Variants in AP4S1 observed in about 807,000 individuals in gnomAD.
AP4S1 encodes the protein adaptor related protein complex 4 subunit sigma 1.
AP4S1 carries 23 observed loss-of-function variants against 19.8 expected under a neutral mutation model. The ratio of observed to expected loss-of-function variants is 1.16; its 90% CI spans 0.84 to 1.65. The LOEUF (loss-of-function observed/expected upper bound fraction) is 1.65, where lower values mean the gene tolerates loss of function less well. AP4S1 is among the 40% of genes most tolerant of loss of function. The pLI is 0.00. For missense variants in AP4S1, 166 were observed against 172.8 expected, an observed-to-expected ratio of 0.96 and a Z score of 0.22; for synonymous variants, 46 against 54.1, an observed-to-expected ratio of 0.85 and a Z score of 0.66.
chr14:31,074,013 G>A (rs1196354635), intron 4 of AP4S1, among the ~76,000 whole-genome samples: 1 of 151,828 alleles, frequency 6.6e-6, no homozygotes, highest in Non-Finnish European at 1.5e-5. Flanking sequence ...TATATTTTAT[G>A]TATAATACAG....
In AP4S1 at chr14:31,045,076, AT is replaced by A. The variant is rs1438203562; in HGVS notation, c.-72+19294del. The stretch of plus-strand genomic sequence containing the variant: ...GCCACTACACCCGGCTAATTTTTGT[AT>A]TTTTAGTAGAGACGGGGTTTCACTA... On this transcript the variant is annotated intron_variant, in intron 1 of 5. Coordinates refer to ENST00000542754, the MANE Select transcript of AP4S1 (RefSeq NM_001128126.3). 6.6e-5 allele frequency among the ~76,000 whole-genome samples: 10 copies of A among 151,702 alleles called. No individual in the cohort carries two copies. The East Asian group carries it at 1.8e-3, about 27-fold the overall frequency.
At chr14:31,041,368 T>G (rs1885103611) in intron 1 of AP4S1, among the ~76,000 whole-genome samples, 1 of 152,108 alleles carries the variant, frequency 6.6e-6, no homozygotes. Context: ...CAGGCTGGTC[T>G]CAAACTCCTG....
rs548105467 is a variant in AP4S1, at chr14:31,081,758, A to G, written c.306+1174A>G. 4.0e-5 allele frequency among the ~76,000 whole-genome samples: 6 copies of G among 151,874 alleles called. No homozygotes were observed. The South Asian group carries it at 1.2e-3, about 32-fold the overall frequency. ...TATGTGTGTGTGTGTATGTGTGTGTACGTGCACAAACACACAGGCATTTTT... is the reference window on the plus strand; with the variant it reads ...TATGTGTGTGTGTGTATGTGTGTGTGCGTGCACAAACACACAGGCATTTTT... On this transcript the variant is annotated intron_variant, in intron 5 of 5. Coordinates refer to ENST00000542754, the MANE Select transcript of AP4S1 (RefSeq NM_001128126.3).
intron 5 of AP4S1, among the ~76,000 whole-genome samples, chr14:31,084,045 A>G (rs1469944553): frequency 6.6e-6 from 1 of 152,226 alleles, no homozygotes; most frequent in South Asian, 2.1e-4. Flanking sequence ...CACTGCTTAT[A>G]TCCACTCTGC....
At chr14:31,046,099 T>G (rs1490517298) in intron 1 of AP4S1, among the ~76,000 whole-genome samples, 1 of 151,736 alleles carries the variant, frequency 6.6e-6, no homozygotes, top group Non-Finnish European at 1.5e-5. Flanking sequence ...CCCGAGTAGC[T>G]GGGATTACAT....
chr14:31,036,363 G>A (rs1206630307), intron 1 of AP4S1, among the ~76,000 whole-genome samples: 1 of 152,044 alleles, frequency 6.6e-6, no homozygotes, highest in East Asian at 1.9e-4. Context: ...GATTACAGGT[G>A]TGAGCCACCG....
At chr14:31,073,159 A>T in intron 4 of AP4S1, 186 bp downstream of exon 4, 1 of 606,154 alleles carries the variant, frequency 1.6e-6, no homozygotes, top group Non-Finnish European at 2.9e-6. Flanking sequence ...AAGCCTATAC[A>T]TGCCTGAGAT....
intron 4 of AP4S1, among the ~76,000 whole-genome samples, chr14:31,073,824 G>T (rs551800485): frequency 6.6e-6 from 1 of 151,350 alleles, no homozygotes; most frequent in Non-Finnish European, 1.5e-5. Flanking sequence ...GATTACAGGC[G>T]TGAGCCACCG....
At chr14:31,059,091 A>C (rs1886290564) in intron 1 of AP4S1, among the ~76,000 whole-genome samples, 1 of 152,162 alleles carries the variant, frequency 6.6e-6, no homozygotes, top group Non-Finnish European at 1.5e-5. Context: ...TTGAGTCTCC[A>C]CATTGTTTAT....
At chr14:31,080,783 CT>C (rs889344499) in intron 5 of AP4S1, 199 bp downstream of exon 5, 43 of 721,862 alleles carry the variant, frequency 6.0e-5, no homozygotes, top group Middle Eastern at 2.4e-4. Context: ...CAAGGCGATT[CT>C]TTTTTTTTCT....
intron 1 of AP4S1, among the ~76,000 whole-genome samples, chr14:31,035,564 A>T (rs1300971681): frequency 6.6e-6 from 1 of 151,720 alleles, no homozygotes; most frequent in African/African-American, 2.4e-5. Flanking sequence ...CAATTTTTTA[A>T]AAAAAAGATG....
In AP4S1 at chr14:31,043,840, T is replaced by G. The variant is rs73253706; in HGVS notation, c.-72+18053T>G. On this transcript the variant is annotated intron_variant, in intron 1 of 5. Transcript: ENST00000542754. ...AGCTAAATTATTAATACTTGGAAGCTGATGGAATGAATCAATATGGCATGG... is the reference window on the plus strand; with the variant it reads ...AGCTAAATTATTAATACTTGGAAGCGGATGGAATGAATCAATATGGCATGG... 1.3e-3 allele frequency among the ~76,000 whole-genome samples: 192 copies of G among 152,334 alleles called. 1 individual carries two copies. The highest frequency in any genetic ancestry group is 4.4e-3 in the African/African-American group (184 of 41,592).
intron 1 of AP4S1, among the ~76,000 whole-genome samples, chr14:31,047,989 T>C (rs1885520268): frequency 6.6e-6 from 1 of 152,114 alleles, no homozygotes. Context: ...AAATTTGTTT[T>C]TTCTGAAAGT....
chr14:31,071,757 T>C (rs1461126188), intron 3 of AP4S1, among the ~76,000 whole-genome samples: 1 of 152,034 alleles, frequency 6.6e-6, no homozygotes, highest in Non-Finnish European at 1.5e-5. Context: ...TCACCCAGGC[T>C]AGAATGCAGT....
chr14:31,057,239 A>T (rs910860784), intron 1 of AP4S1, among the ~76,000 whole-genome samples: 1 of 152,198 alleles, frequency 6.6e-6, no homozygotes, highest in Non-Finnish European at 1.5e-5. Context: ...AAATGAAGGG[A>T]ATACACCTCA....
At chr14:31,070,656 A>G (rs1384561107) in intron 3 of AP4S1, among the ~76,000 whole-genome samples, 1 of 152,214 alleles carries the variant, frequency 6.6e-6, no homozygotes, top group Non-Finnish European at 1.5e-5. Context: ...CCCAAACCAC[A>G]GAATGCCTTT....
In AP4S1 at chr14:31,060,354, A is replaced by C. The variant is rs117127466; in HGVS notation, c.-71-5772A>C. On this transcript the variant is annotated intron_variant, in intron 1 of 5. Coordinates refer to ENST00000542754, the MANE Select transcript of AP4S1 (RefSeq NM_001128126.3). The stretch of plus-strand genomic sequence containing the variant: ...TATACTCAGGGCAGTCCCGGAAACA[A>C]TACCCTGCATACCAAGGGTTGACTG... Among the ~76,000 whole-genome samples, 141 of 152,272 alleles carry C rather than the reference A, an allele frequency of 9.3e-4. No homozygotes were observed. The East Asian group carries it at 0.017, about 19-fold the overall frequency.
At chr14:31,082,823 G>A (rs896030455) in intron 5 of AP4S1, among the ~76,000 whole-genome samples, 9 of 151,968 alleles carry the variant, frequency 5.9e-5, no homozygotes, top group African/African-American at 2.2e-4. Context: ...GTGAACCCGG[G>A]AGGCGGAGCT....
intron 3 of AP4S1, among the ~76,000 whole-genome samples, chr14:31,072,402 G>A (rs1566537235): frequency 6.6e-6 from 1 of 151,690 alleles, no homozygotes; most frequent in East Asian, 1.9e-4. Context: ...ATAGGACCTC[G>A]CTCTGTTTCC....
Sources: allele counts gnomAD v4.1 joint callset (sites outside exome capture counted in the v4.1 genomes callset), GRCh38; gene constraint gnomAD v4.1.1; transcripts MANE v1.5; gene names NCBI Gene and HGNC (gene_info 2026-07-23, HGNC 2026-07-21).